The following MAN2C1 variants were observed in gnomAD, a reference collection of about 807,000 sequenced individuals.
MAN2C1 encodes alpha-mannosidase 2C1.
A neutral mutation model predicts 126.9 loss-of-function variants in MAN2C1; 111 were observed. That is an observed-to-expected ratio of 0.87 (90% CI 0.75 to 1.02). MAN2C1 has a LOEUF of 1.02. MAN2C1 is among the 50% of genes least tolerant of loss of function. The pLI, the probability that MAN2C1 is intolerant of heterozygous loss-of-function variation, is 0.00. For synonymous variants in MAN2C1, 567 were observed against 561.5 expected (o/e 1.01, Z -0.14); for missense variants, 1,363 against 1,364.4 (o/e 1.00, Z 0.02).
At chr15:75,366,023 G>A (rs1172685330) in intron 4 of MAN2C1, 1 of 387,898 alleles carries the variant, frequency 2.6e-6, no homozygotes, top group East Asian at 8.4e-5. Flanking sequence ...GGAGGCAGAA[G>A]GTACAGTGAG....
Position 75,366,545 on chromosome 15 carries a change from C to A in MAN2C1, c.399G>T (p.Arg133Ser), listed in dbSNP as rs1450812969. ...ACCTTCGGGGGTCTCTTTCCCCCAGCCTGTCAGTCAGGACATAGCTGGTCT... is the reference window on the plus strand; with the variant it reads ...ACCTTCGGGGGTCTCTTTCCCCCAGACTGTCAGTCAGGACATAGCTGGTCT... ...GEKTSYVLTDRLGERDPRSLT... is the reference protein window; with the variant it reads ...GEKTSYVLTDSLGERDPRSLT... Residue 133 changes from arginine to serine, a missense_variant, in exon 4 of 26, where the codon AGG becomes AGT. Transcript: ENST00000267978. 3 of 1,613,506 alleles carry A rather than the reference C, an allele frequency of 1.9e-6. No individual in the cohort carries two copies. In the African/African-American group the frequency reaches 4.0e-5, roughly 22 times the overall value.
chr15:75,358,811 G>A lies in MAN2C1; in HGVS notation c.2142-3C>T, dbSNP rs2072401303. ...CGGCGCCCTCAGCAATGGCCTCCCT[G>A]GAAGGACATGGGATTGGTGCTGTAC... On this transcript the variant is annotated splice_polypyrimidine_tract_variant and splice_region_variant and intron_variant, in intron 18 of 25. Coordinates refer to ENST00000267978, the MANE Select transcript of MAN2C1 (RefSeq NM_006715.4). 2 of 1,608,838 alleles carry A rather than the reference G, an allele frequency of 1.2e-6. No individual in the cohort carries two copies. Among genetic ancestry groups the A allele is most frequent in the Non-Finnish European group, 1.7e-6 (2 of 1,176,028 alleles).
Position 75,355,973 on chromosome 15 carries a change from A to AGGC in MAN2C1, c.3053_3055dup (p.Arg1018dup). On this transcript the variant is annotated inframe_insertion, in exon 26 of 26. Transcript: ENST00000267978. Reference sequence around the variant, plus strand: ...TTGGAAGGGAGAAAAGGTGAGCTTCAGGCGGTTGTCCCGAAGGGTCAAGTG... The same window carrying AGGC: ...TTGGAAGGGAGAAAAGGTGAGCTTCAGGCGGCGGTTGTCCCGAAGGGTCAAGTG... 6.2e-7 allele frequency: 1 copy of AGGC among 1,614,164 alleles called. No homozygotes were observed. Among genetic ancestry groups the AGGC allele is most frequent in the Non-Finnish European group, 8.5e-7 (1 of 1,180,018 alleles).
rs1308622980 is a variant in MAN2C1, at chr15:75,359,686, T to C, written c.1882A>G (p.Asn628Asp). ...TCGATCCGCTTCCAGGGCAGTGTGTTGACGATGAGGAGGCCCTCAGGACCT... is the reference window on the plus strand; with the variant it reads ...TCGATCCGCTTCCAGGGCAGTGTGTCGACGATGAGGAGGCCCTCAGGACCT... ...EPGPEGLLIV[N>D]TLPWKRIEVM... The change falls in exon 16 of 26, where the codon AAC (asparagine) becomes GAC (aspartate). Residue 628 changes from asparagine (N) to aspartate (D), a missense_variant. Asn to Asp is a conservative substitution (Grantham distance 23, BLOSUM62 1). Coordinates refer to ENST00000267978, the MANE Select transcript of MAN2C1 (RefSeq NM_006715.4). The C allele has an allele frequency of 6.2e-7, 1 of 1,614,154 alleles. No homozygotes were observed. The highest frequency in any genetic ancestry group is 1.7e-5 in the Admixed American group (1 of 60,026).
At chr15:75,367,970 G>A (rs902609099) in intron 2 of MAN2C1, 103 bp downstream of exon 2, 13 of 1,398,708 alleles carry the variant, frequency 9.3e-6, no homozygotes, top group African/African-American at 1.4e-5. Context: ...TCGATCCCAC[G>A]TAGTTGTCTA....
Position 75,361,265 on chromosome 15 carries a change from C to T in MAN2C1, c.1314+21G>A. On this transcript the variant is annotated intron_variant, in intron 11 of 25. Coordinates refer to ENST00000267978, the MANE Select transcript of MAN2C1 (RefSeq NM_006715.4). The surrounding 1 kb of genome is among the most constrained non-coding windows in gnomAD (Gnocchi z 5.0). ...CCCTCTCCAGCCTGCCCCTACCCCA[C>T]CACCCTAGGTGACCCCTCACCTCCT... 6.3e-7 allele frequency: 1 copy of T among 1,577,976 alleles called. No individual in the cohort carries two copies. The highest frequency in any genetic ancestry group is 8.6e-7 in the Non-Finnish European group (1 of 1,161,866).
chr15:75,356,613 C>G lies in MAN2C1; in HGVS notation c.2730G>C (p.Pro910=). The change falls in exon 23 of 26, where the codon CCG becomes CCC. Residue 910 remains proline, a synonymous_variant. Transcript: ENST00000267978. The surrounding 1 kb of genome is among the most constrained non-coding windows in gnomAD (Gnocchi z 5.8). ...GRHEFTYALM[P]HKGSFQDAGV... ...ACCGTCCCCAGCACTCACCCTTGTG[C>G]GGCATCAGTGCATAGGTGAACTCGT... is the stretch of plus-strand genomic sequence containing the variant. 4 of 1,560,832 alleles carry G rather than the reference C, an allele frequency of 2.6e-6. No individual in the cohort carries two copies. The highest frequency in any genetic ancestry group is 3.5e-6 in the Non-Finnish European group (4 of 1,152,926).
At chr15:75,360,726 G>A (rs780137279) in intron 12 of MAN2C1, 38 bp from the exon 13 acceptor site, 2 of 1,607,752 alleles carry the variant, frequency 1.2e-6, no homozygotes, top group South Asian at 2.2e-5. Flanking sequence ...CAGCCTTGGA[G>A]ACCACATGGC....
chr15:75,357,187 AG>A, intron 21 of MAN2C1: 1 of 366,720 alleles, frequency 2.7e-6, no homozygotes, highest in Middle Eastern at 8.1e-4. Flanking sequence ...TCTGTCACCC[AG>A]GCTGGAGTGC....
Position 75,362,461 on chromosome 15 carries a change from C to A in MAN2C1, c.898-8G>T, listed in dbSNP as rs1358761642. On this transcript the variant is annotated splice_polypyrimidine_tract_variant and splice_region_variant and intron_variant, in intron 7 of 25. Coordinates refer to ENST00000267978, the MANE Select transcript of MAN2C1 (RefSeq NM_006715.4). The surrounding 1 kb of genome is among the most constrained non-coding windows in gnomAD (Gnocchi z 4.5). ...CCATTCCAGCTGCTGCGCCTGTGGG[C>A]AGGTTGAAGGGAGCTGGGACCAGAG... 1.2e-6 allele frequency: 2 copies of A among 1,600,258 alleles called. No individual in the cohort carries two copies. The highest frequency in any genetic ancestry group is 2.3e-5 in the East Asian group (1 of 43,946).
chr15:75,360,924 G>A (rs761560765), intron 12 of MAN2C1, 122 bp downstream of exon 12: 18 of 1,331,742 alleles, frequency 1.4e-5, no homozygotes, highest in African/African-American at 1.0e-4. Flanking sequence ...GGAGGAACCC[G>A]TGGTCTAGGA....
At chr15:75,357,980 C>G in intron 21 of MAN2C1, 1 of 531,648 alleles carries the variant, frequency 1.9e-6, no homozygotes, top group Non-Finnish European at 3.4e-6. Context: ...GTCTTGAACT[C>G]CTGACCTCAG....
chr15:75,357,519 T>C (rs2072355490), intron 21 of MAN2C1, among the ~76,000 whole-genome samples: 1 of 152,060 alleles, frequency 6.6e-6, no homozygotes, highest in South Asian at 2.1e-4. Flanking sequence ...ATGTTGTCTA[T>C]GATGGTCTCG....
chr15:75,361,514 T>C lies in MAN2C1; in HGVS notation c.1218+90A>G. ...GAGGCAGAGTGAGGGTTTGGTGGTC[T>C]GTCTAGGACCCCACAATAAGGGGGA... On this transcript the variant is annotated intron_variant, in intron 10 of 25. Coordinates refer to ENST00000267978, the MANE Select transcript of MAN2C1 (RefSeq NM_006715.4). This position sits in a 1 kb window ranked among gnomAD's most constrained non-coding sequence, Gnocchi z 5.0. The C allele has an allele frequency of 2.4e-6, 3 of 1,274,552 alleles. No homozygotes were observed. The highest frequency in any genetic ancestry group is 1.2e-5 in the South Asian group (1 of 83,280). 79.0% of individuals were successfully genotyped at this position (1,274,552 alleles called of 1,614,324 possible).
intron 6 of MAN2C1, chr15:75,363,004 G>A: frequency 2.1e-6 from 1 of 485,894 alleles, no homozygotes; most frequent in Non-Finnish European, 3.8e-6. Context: ...AATAGCCTCA[G>A]TCCTCTTGGG....
intron 21 of MAN2C1, chr15:75,357,117 C>T: frequency 3.5e-6 from 2 of 573,532 alleles, no homozygotes; most frequent in African/African-American, 1.9e-5. Context: ...CTCACCCCAT[C>T]GAATGATCAT....
In MAN2C1 at chr15:75,356,961, C is replaced by T; in HGVS notation, c.2548-59G>A. On this transcript the variant is annotated intron_variant, in intron 21 of 25. Transcript: ENST00000267978. This position sits in a 1 kb window ranked among gnomAD's most constrained non-coding sequence, Gnocchi z 5.8. ...CTGTGCCCCTCTTTGTGCTCCCAGACTCCAGAGCTCCTGTCACTAGGCCGA... is the reference window on the plus strand; with the variant it reads ...CTGTGCCCCTCTTTGTGCTCCCAGATTCCAGAGCTCCTGTCACTAGGCCGA... 7.3e-7 allele frequency: 1 copy of T among 1,371,624 alleles called. No homozygotes were observed. Among genetic ancestry groups the T allele is most frequent in the Non-Finnish European group, 1.0e-6 (1 of 965,912 alleles). The allele number at this position is 1,371,624 out of a possible 1,614,324, so 85.0% of individuals were successfully genotyped here.
At position 75,359,386 on chromosome 15, in the gene MAN2C1, G is replaced by A. The variant is rs1450543532; in HGVS notation, c.1988C>T (p.Pro663Leu). The change falls in exon 17 of 26, where the codon CCT (proline) becomes CTT (leucine). Residue 663 changes from proline (P) to leucine (L), a missense_variant. Coordinates refer to ENST00000267978, the MANE Select transcript of MAN2C1 (RefSeq NM_006715.4). ...CAGGGGCTGCAGTGAGGTGGGGGGA[G>A]GAACAGGAGCATAGCCCATGCTGGG... ...TVPSMGYAPV[P>L]PPTSLQPLLP... The A allele has an allele frequency of 6.2e-7, 1 of 1,608,906 alleles. No homozygotes were observed. The highest frequency in any genetic ancestry group is 8.5e-7 in the Non-Finnish European group (1 of 1,178,236).
chr15:75,358,765 A>G lies in MAN2C1; in HGVS notation c.2185T>C (p.Phe729Leu). Reference protein sequence around the residue: ...EGAVGNQFVLFDDVPLYWDAW... With the variant: ...EGAVGNQFVLLDDVPLYWDAW... ...TCCCAGTACAAGGGGACATCATCAA[A>G]TAGCACAAACTGGTTCCCCACGGCG... The change falls in exon 19 of 26, where the codon TTT (phenylalanine) becomes CTT (leucine). Residue 729 changes from phenylalanine (F) to leucine (L), a missense_variant. By Grantham distance (22) the Phe-to-Leu change is conservative. Coordinates refer to ENST00000267978, the MANE Select transcript of MAN2C1 (RefSeq NM_006715.4). 6.2e-7 allele frequency: 1 copy of G among 1,614,088 alleles called. No homozygotes were observed. Among genetic ancestry groups the G allele is most frequent in the Admixed American group, 1.7e-5 (1 of 60,010 alleles).
Sources: allele counts gnomAD v4.1 joint callset (sites outside exome capture counted in the v4.1 genomes callset), GRCh38; gene constraint gnomAD v4.1.1; non-coding constraint Gnocchi (gnomAD v3.1); transcripts MANE v1.5; gene names NCBI Gene and HGNC (gene_info 2026-07-23, HGNC 2026-07-21).